The following ASXL1 variants were observed in gnomAD, a reference collection of about 807,000 sequenced individuals.
ASXL1 encodes ASXL transcriptional regulator 1.
ASXL1 carries 65 observed loss-of-function variants against 89.1 expected under a neutral mutation model. The observed-to-expected ratio is 0.73, with a 90% CI of 0.60 to 0.90. The LOEUF (loss-of-function observed/expected upper bound fraction) is 0.90, where lower values mean the gene tolerates loss of function less well. ASXL1 is among the 40% of genes least tolerant of loss of function. ASXL1 has a pLI of 0.00. For synonymous variants in ASXL1, 739 were observed against 746.9 expected (o/e 0.99, Z 0.17); for missense variants, 1,786 against 1,942.9 (o/e 0.92, Z 1.52).
At position 32,437,435 on chromosome 20, in the gene ASXL1, C is replaced by T. The variant is rs2011991095; in HGVS notation, c.*97C>T. ...TACAGAATATCATTGATATAATACT[C>T]TTTAGGCAGGAGCACTCTTGCCTTC... On this transcript the variant is annotated 3_prime_UTR_variant, in exon 13 of 13. Coordinates refer to ENST00000375687, the MANE Select transcript of ASXL1 (RefSeq NM_015338.6). 2 of 1,552,822 alleles carry T rather than the reference C, an allele frequency of 1.3e-6. No individual in the cohort carries two copies. The highest frequency in any genetic ancestry group is 1.8e-6 in the Non-Finnish European group (2 of 1,128,572).
intron 4 of ASXL1, among the ~76,000 whole-genome samples, chr20:32,386,952 C>T (rs1454907857): frequency 2.6e-5 from 4 of 151,948 alleles, no homozygotes; most frequent in African/African-American, 7.3e-5. Flanking sequence ...CCAGCTGGTG[C>T]GTAACTAGCT....
rs765323927 is a variant in ASXL1 at position 32,436,972 on chromosome 20, G to T, written c.4260G>T (p.Gly1420=). 8 of 1,614,084 alleles carry T rather than the reference G, an allele frequency of 5.0e-6. No individual in the cohort carries two copies. The highest frequency in any genetic ancestry group is 6.8e-6 in the Non-Finnish European group (8 of 1,180,010). Residue 1420 remains glycine, a synonymous_variant, in exon 13 of 13, where the codon GGG becomes GGT. Transcript: ENST00000375687. ...AATTACCCCGAGAGCCAGGGAAGGG[G>T]CTCAGTGAGCCTCTGGAGCCTTCTT... ...FWKLPREPGK[G]LSEPLEPSSL...
intron 4 of ASXL1, among the ~76,000 whole-genome samples, chr20:32,407,386 A>G (rs1305737493): frequency 1.3e-5 from 2 of 152,134 alleles, no homozygotes; most frequent in African/African-American, 2.4e-5. Context: ...ACACACACAT[A>G]TACACACTCT....
chr20:32,359,316 C>T (rs1377853058), intron 1 of ASXL1: 1 of 702,572 alleles, frequency 1.4e-6, no homozygotes, highest in Non-Finnish European at 2.6e-6. Flanking sequence ...GCATGTTGAG[C>T]TTTCCCAATC....
chr20:32,435,711 A>T lies in ASXL1; in HGVS notation c.2999A>T (p.Asp1000Val), dbSNP rs781631529. ...CTGAGTCCTCACGGTGAGTCCACGG[A>T]TACAGCCTCTGACTTTGAAGGTCAC... ...EALSPHGEST[D>V]TASDFEGHLT... Residue 1000 changes from aspartate (D) to valine (V), a missense_variant, in exon 13 of 13, where the codon GAT becomes GTT. Physicochemically the swap from Asp to Val is radical, Grantham distance 152 (BLOSUM62 -3). This residue lies in a region of ASXL1 where 1,418 missense variants were observed against 1,427.8 expected (regional missense o/e 0.99). Transcript: ENST00000375687. The T allele has an allele frequency of 6.2e-7, 1 of 1,614,226 alleles. No homozygotes were observed. Among genetic ancestry groups the T allele is most frequent in the Non-Finnish European group, 8.5e-7 (1 of 1,180,038 alleles).
chr20:32,362,561 G>A (rs879262416), intron 1 of ASXL1, among the ~76,000 whole-genome samples: 8 of 152,220 alleles, frequency 5.3e-5, no homozygotes, highest in African/African-American at 1.2e-4. Flanking sequence ...GCGTGAACGC[G>A]GGAGGCGGAG....
chr20:32,422,580 A>ATT lies in ASXL1; in HGVS notation c.253-5526_253-5525dup, dbSNP rs11167168. On this transcript the variant is annotated intron_variant, in intron 4 of 12. Transcript: ENST00000375687. ...TAACTGTGTGGTGAAGGATTGGTTAATTTTTTTTTTTTTTTTTTTTTTTAA... is the reference window on the plus strand; with the variant it reads ...TAACTGTGTGGTGAAGGATTGGTTAATTTTTTTTTTTTTTTTTTTTTTTTTAA... Among the ~76,000 whole-genome samples the ATT allele has an allele frequency of 9.3e-3, 1,007 of 108,010 alleles. 23 individuals carry two copies. Among genetic ancestry groups the ATT allele is most frequent in the African/African-American group, 0.036 (962 of 26,542 alleles). The allele number at this position is 108,010 out of a possible 152,430, so 70.9% of individuals were successfully genotyped here. A position where few individuals can be genotyped will look rare whatever the true frequency, so the allele number is the denominator to read the frequency against.
intron 2 of ASXL1, among the ~76,000 whole-genome samples, chr20:32,367,459 C>T (rs1221387864): frequency 7.9e-5 from 12 of 152,228 alleles, no homozygotes; most frequent in Non-Finnish European, 1.6e-4. Context: ...TTGCCTGGGA[C>T]TCAGAGCAAA....
intron 2 of ASXL1, chr20:32,366,681 T>TC (rs1050641855): frequency 1.6e-6 from 1 of 607,006 alleles, no homozygotes; most frequent in East Asian, 1.4e-4. Context: ...GCAGTGGCTT[T>TC]CCCCATCTCC....
intron 4 of ASXL1, among the ~76,000 whole-genome samples, chr20:32,394,292 G>A (rs193037053): frequency 3.4e-4 from 52 of 151,782 alleles, no homozygotes; most frequent in African/African-American, 1.2e-3. Flanking sequence ...GTGAGCCACC[G>A]TGCCTGGCCT....
chr20:32,413,923 G>A (rs1208531152), intron 4 of ASXL1, among the ~76,000 whole-genome samples: 1 of 152,188 alleles, frequency 6.6e-6, no homozygotes, highest in East Asian at 1.9e-4. Flanking sequence ...AGGTGCCTAG[G>A]AGGTAAATTG....
chr20:32,434,290 TATG>T (rs2011643197), intron 12 of ASXL1, 139 bp from the exon 13 acceptor site: 18 of 1,091,198 alleles, frequency 1.6e-5, no homozygotes, highest in Non-Finnish European at 2.3e-5. Flanking sequence ...GCCATTTTAC[TATG>T]ATGATTTCAT....
chr20:32,371,747 C>T, intron 4 of ASXL1: 1 of 447,016 alleles, frequency 2.2e-6, no homozygotes, highest in Non-Finnish European at 4.5e-6. Flanking sequence ...CGTACACCAT[C>T]ACCCCAGCTA....
chr20:32,434,486 C>A lies in ASXL1; in HGVS notation c.1774C>A (p.Gln592Lys). The A allele has an allele frequency of 6.2e-7, 1 of 1,614,076 alleles. No individual in the cohort carries two copies. Among genetic ancestry groups the A allele is most frequent in the Non-Finnish European group, 8.5e-7 (1 of 1,180,018 alleles). Residue 592 changes from glutamine to lysine, a missense_variant, in exon 13 of 13, where the codon CAG becomes AAG. Around this residue, in one of 3 missense-constraint regions of ASXL1, gnomAD observed 1,418 missense variants for 1,427.8 expected, o/e 0.99. Transcript: ENST00000375687. ...PWVVKGQPTY[Q>K]ICPRIIPTTE... Reference sequence around the variant, plus strand: ...GGTGGTTAAAGGTCAGCCCACTTACCAGATATGCCCCCGGATCATCCCCAC... The same window carrying A: ...GGTGGTTAAAGGTCAGCCCACTTACAAGATATGCCCCCGGATCATCCCCAC...
At position 32,418,809 on chromosome 20, in the gene ASXL1, C is replaced by CTTTTTTT. The variant is rs71338437; in HGVS notation, c.253-9284_253-9278dup. Reference sequence around the variant, plus strand: ...AAATCAAAATGGGAAGAATTGACATCTTTTTTTTTTTTTTTTTTTTTTTTT... The same window carrying CTTTTTTT: ...AAATCAAAATGGGAAGAATTGACATCTTTTTTTTTTTTTTTTTTTTTTTTTTTTTTTT... On this transcript the variant is annotated intron_variant, in intron 4 of 12. Transcript: ENST00000375687. 1.1e-3 allele frequency among the ~76,000 whole-genome samples: 64 copies of CTTTTTTT among 55,746 alleles called. 8 individuals carry two copies. The highest frequency in any genetic ancestry group is 1.5e-3 in the Non-Finnish European group (45 of 30,754). The allele number at this position is 55,746 out of a possible 152,430, so 36.6% of individuals were successfully genotyped here.
At chr20:32,379,536 G>A (rs565078651) in intron 4 of ASXL1, among the ~76,000 whole-genome samples, 1 of 151,132 alleles carries the variant, frequency 6.6e-6, no homozygotes, top group African/African-American at 2.4e-5. Flanking sequence ...TGTTACATAA[G>A]ATGTCACGGC....
chr20:32,406,994 G>T (rs1374307263), intron 4 of ASXL1, among the ~76,000 whole-genome samples: 1 of 152,080 alleles, frequency 6.6e-6, no homozygotes, highest in Non-Finnish European at 1.5e-5. Flanking sequence ...GAAGAGAAGG[G>T]CAGCTCTTCC....
At position 32,387,019 on chromosome 20, in the gene ASXL1, A is replaced by C. The variant is rs536316922; in HGVS notation, c.252+17896A>C. Among the ~76,000 whole-genome samples the C allele has an allele frequency of 2.0e-5, 3 of 152,216 alleles. No homozygotes were observed. In the South Asian group the frequency reaches 6.2e-4, roughly 32 times the overall value. Reference sequence around the variant, plus strand: ...ATGTTAGAAACATTTCATAATGCAAATGAAAAATTTAAGCCAGGTGCAGTG... The same window carrying C: ...ATGTTAGAAACATTTCATAATGCAACTGAAAAATTTAAGCCAGGTGCAGTG... On this transcript the variant is annotated intron_variant, in intron 4 of 12. Transcript: ENST00000375687.
At chr20:32,366,661 AT>A in intron 2 of ASXL1, 195 bp downstream of exon 2, 1 of 783,070 alleles carries the variant, frequency 1.3e-6, no homozygotes, top group Non-Finnish European at 1.5e-6. Context: ...ATTTGTTTTC[AT>A]TTAGAGGTGC....
Sources: allele counts gnomAD v4.1 joint callset (sites outside exome capture counted in the v4.1 genomes callset), GRCh38; gene constraint gnomAD v4.1.1; regional missense constraint gnomAD v4.1.1; transcripts MANE v1.5; gene names NCBI Gene and HGNC (gene_info 2026-07-23, HGNC 2026-07-21).